The following NTHL1 variants were observed in gnomAD, a reference collection of about 807,000 sequenced individuals.
NTHL1 encodes endonuclease III-like protein 1.
In NTHL1, 32 loss-of-function variants were observed where a neutral mutation model predicts 32.3. That is an observed-to-expected ratio of 0.99 (90% CI 0.75 to 1.33). NTHL1 has a LOEUF of 1.33. NTHL1 is among the 40% of genes most tolerant of loss of function. The pLI is 0.00. For missense variants in NTHL1, 501 were observed against 414.1 expected, an observed-to-expected ratio of 1.21 and a Z score of -1.82; for synonymous variants, 188 against 176.9, an observed-to-expected ratio of 1.06 and a Z score of -0.50.
chr16:2,044,001 G>A lies in NTHL1; in HGVS notation c.526-275C>T. 1 of 506,920 alleles carries A rather than the reference G, an allele frequency of 2.0e-6. No homozygotes were observed. The highest frequency in any genetic ancestry group is 3.6e-6 in the Non-Finnish European group (1 of 277,164). The allele number at this position is 506,920 out of a possible 1,614,324, so 31.4% of individuals were successfully genotyped here. A position where few individuals can be genotyped will look rare whatever the true frequency, so the allele number is the denominator to read the frequency against. ...GCCCGTCATTCCCTGCCAGCACCCA[G>A]GCCAGGCCAAGCAGGCCAGCCGCTC... On this transcript the variant is annotated intron_variant, in intron 3 of 5. Coordinates refer to ENST00000651570, the MANE Select transcript of NTHL1 (RefSeq NM_002528.7). This position sits in a 1 kb window ranked among gnomAD's most constrained non-coding sequence, Gnocchi z 5.0.
intron 2 of NTHL1, among the ~76,000 whole-genome samples, chr16:2,045,444 T>A (rs975611452): frequency 6.7e-6 from 1 of 149,036 alleles, no homozygotes; most frequent in Non-Finnish European, 1.5e-5. Context: ...TTAAAACAAA[T>A]TTTTTTTTTT....
intron 2 of NTHL1, among the ~76,000 whole-genome samples, chr16:2,045,358 C>G (rs1162524138): frequency 6.6e-6 from 1 of 152,070 alleles, no homozygotes; most frequent in Non-Finnish European, 1.5e-5. Context: ...CCAACACGAT[C>G]GTATCTGGCC....
At position 2,040,226 on chromosome 16, in the gene NTHL1, T is replaced by C. The variant is rs1469572797; in HGVS notation, c.698A>G (p.His233Arg). The C allele has an allele frequency of 6.2e-7, 1 of 1,613,606 alleles. No individual in the cohort carries two copies. The highest frequency in any genetic ancestry group is 8.5e-7 in the Non-Finnish European group (1 of 1,179,976). ...CAGCCTGTTGGCGATTCTGTGCACA[T>C]GCGTGTCCACTGCTGCTGGGAGGCC... ...GTVSGIAVDTHVHRIANRLRW... is the reference protein window; with the variant it reads ...GTVSGIAVDTRVHRIANRLRW... The change falls in exon 5 of 6, where the codon CAT becomes CGT. Residue 233 changes from histidine (H) to arginine (R), a missense_variant. Transcript: ENST00000651570.
chr16:2,039,921 C>G lies in NTHL1; in HGVS notation c.*3G>C. The G allele has an allele frequency of 1.2e-6, 2 of 1,601,220 alleles. No homozygotes were observed. The highest frequency in any genetic ancestry group is 3.3e-5 in the Admixed American group (2 of 60,020). Reference sequence around the variant, plus strand: ...CGGCACCTCGGCCAGAGCCATGCGGCCATCAGAGACCCTGGGCGGCCGGGC... The same window carrying G: ...CGGCACCTCGGCCAGAGCCATGCGGGCATCAGAGACCCTGGGCGGCCGGGC... On this transcript the variant is annotated 3_prime_UTR_variant, in exon 6 of 6. Transcript: ENST00000651570.
chr16:2,040,537 G>A (rs995858458), intron 4 of NTHL1: 1 of 511,598 alleles, frequency 2.0e-6, no homozygotes, highest in Non-Finnish European at 3.6e-6. Context: ...TGGGTGGTGG[G>A]GTCTCTGCTT....
chr16:2,041,925 G>C, intron 4 of NTHL1: 1 of 401,804 alleles, frequency 2.5e-6, no homozygotes, highest in Non-Finnish European at 4.9e-6. Context: ...GCTAATTTTT[G>C]TATTTTTAGT....
Position 2,044,835 on chromosome 16 carries a change from G to A in NTHL1, c.355-35C>T, listed in dbSNP as rs374077464. ...CAGTGACAGGGACCGGGGTGGCGGC[G>A]GGTCCTGGGTGATTCCCTGGCCAGG... On this transcript the variant is annotated intron_variant, in intron 2 of 5. Coordinates refer to ENST00000651570, the MANE Select transcript of NTHL1 (RefSeq NM_002528.7). This position sits in a 1 kb window ranked among gnomAD's most constrained non-coding sequence, Gnocchi z 5.0. The A allele has an allele frequency of 7.1e-6, 11 of 1,546,290 alleles. No individual in the cohort carries two copies. Among genetic ancestry groups the A allele is most frequent in the African/African-American group, 5.4e-5 (4 of 73,548 alleles).
chr16:2,043,947 C>G lies in NTHL1; in HGVS notation c.526-221G>C. On this transcript the variant is annotated intron_variant, in intron 3 of 5. Coordinates refer to ENST00000651570, the MANE Select transcript of NTHL1 (RefSeq NM_002528.7). This position sits in a 1 kb window ranked among gnomAD's most constrained non-coding sequence, Gnocchi z 4.4. ...CTCCCACCCGTGTGGGCCAATGATG[C>G]ACGTGTAGGCTCTGGCTGGGGTTCC... 9 of 582,298 alleles carry G rather than the reference C, an allele frequency of 1.5e-5. No homozygotes were observed. The South Asian group carries it at 1.8e-4, about 12-fold the overall frequency. 36.1% of individuals were successfully genotyped at this position (582,298 alleles called of 1,614,324 possible). A position where few individuals can be genotyped will look rare whatever the true frequency, so the allele number is the denominator to read the frequency against.
chr16:2,046,372 A>G lies in NTHL1; in HGVS notation c.116-6T>C, dbSNP rs2084388582. 2 of 1,603,798 alleles carry G rather than the reference A, an allele frequency of 1.2e-6. No individual in the cohort carries two copies. The highest frequency in any genetic ancestry group is 1.3e-5 in the African/African-American group (1 of 74,886). On this transcript the variant is annotated splice_polypyrimidine_tract_variant and splice_region_variant and intron_variant, in intron 1 of 5. Coordinates refer to ENST00000651570, the MANE Select transcript of NTHL1 (RefSeq NM_002528.7). ...GCTGTGGCTTTTCCTCGCTTCTGCAAAAAGCACCACGCAGTCCCTCTGGTG... is the reference window on the plus strand; with the variant it reads ...GCTGTGGCTTTTCCTCGCTTCTGCAGAAAGCACCACGCAGTCCCTCTGGTG...
chr16:2,041,583 C>T (rs2084269087), intron 4 of NTHL1, among the ~76,000 whole-genome samples: 1 of 152,058 alleles, frequency 6.6e-6, no homozygotes. Context: ...GCTGGAATTA[C>T]AGGCTCCTGC....
chr16:2,046,158 C>G lies in NTHL1; in HGVS notation c.324G>C (p.Glu108Asp). 6.2e-7 allele frequency: 1 copy of G among 1,613,180 alleles called. No homozygotes were observed. Among genetic ancestry groups the G allele is most frequent in the Non-Finnish European group, 8.5e-7 (1 of 1,179,996 alleles). The change falls in exon 2 of 6, where the codon GAG (glutamate) becomes GAC (aspartate). Residue 108 changes from glutamate (E) to aspartate (D), a missense_variant. Glu to Asp is a conservative substitution (Grantham distance 45). Coordinates refer to ENST00000651570, the MANE Select transcript of NTHL1 (RefSeq NM_002528.7). Reference sequence around the variant, plus strand: ...GGGGGGCACTGGAGTCATAGCAGTGCTCAGTCCCCAGATGGTCCACAGGTG... The same window carrying G: ...GGGGGGCACTGGAGTCATAGCAGTGGTCAGTCCCCAGATGGTCCACAGGTG... ...KDAPVDHLGT[E>D]HCYDSSAPPK...
intron 4 of NTHL1, among the ~76,000 whole-genome samples, chr16:2,041,227 TCA>T (rs1436282263): frequency 6.6e-6 from 1 of 152,328 alleles, no homozygotes; most frequent in South Asian, 2.1e-4. Flanking sequence ...GCTCTGAGCC[TCA>T]GTTTCCTCCT....
chr16:2,045,102 C>T (rs922204289), intron 2 of NTHL1, among the ~76,000 whole-genome samples: 27 of 152,180 alleles, frequency 1.8e-4, no homozygotes, highest in Admixed American at 1.6e-3. Flanking sequence ...TTCGGGAGGC[C>T]AAGGCAGGCG....
At position 2,043,463 on chromosome 16, in the gene NTHL1, G is replaced by C; in HGVS notation, c.685+104C>G. ...AGCACCTTTCTGACTCTATGGGCTGGGTGGAGGACCAGCATGCTGGAAGTG... is the reference window on the plus strand; with the variant it reads ...AGCACCTTTCTGACTCTATGGGCTGCGTGGAGGACCAGCATGCTGGAAGTG... On this transcript the variant is annotated intron_variant, in intron 4 of 5. Coordinates refer to ENST00000651570, the MANE Select transcript of NTHL1 (RefSeq NM_002528.7). The surrounding 1 kb of genome is among the most constrained non-coding windows in gnomAD (Gnocchi z 4.4). 1 of 1,505,732 alleles carries C rather than the reference G, an allele frequency of 6.6e-7. No homozygotes were observed. Among genetic ancestry groups the C allele is most frequent in the Non-Finnish European group, 9.0e-7 (1 of 1,106,598 alleles). 93.3% of individuals were successfully genotyped at this position (1,505,732 alleles called of 1,614,324 possible). A position where few individuals can be genotyped will look rare whatever the true frequency, so the allele number is the denominator to read the frequency against.
chr16:2,047,348 T>A (rs1329128565), intron 1 of NTHL1: 3 of 323,688 alleles, frequency 9.3e-6, no homozygotes, highest in Admixed American at 5.0e-5. Context: ...GGCTTCTGGC[T>A]GCGTGTGTCC....
At chr16:2,042,743 G>C (rs1423538486) in intron 4 of NTHL1, among the ~76,000 whole-genome samples, 1 of 151,810 alleles carries the variant, frequency 6.6e-6, no homozygotes, top group East Asian at 1.9e-4. Flanking sequence ...CAGGACCTGG[G>C]AAAAGGATTC....
At chr16:2,041,567 C>T (rs908615345) in intron 4 of NTHL1, among the ~76,000 whole-genome samples, 7 of 152,074 alleles carry the variant, frequency 4.6e-5, no homozygotes, top group Non-Finnish European at 8.8e-5. Context: ...CTCAGCCTCC[C>T]GAGGAGCTGG....
In NTHL1 at chr16:2,043,904, G is replaced by A; in HGVS notation, c.526-178C>T. 1.5e-6 allele frequency: 1 copy of A among 685,678 alleles called. No individual in the cohort carries two copies. The highest frequency in any genetic ancestry group is 1.8e-5 in the South Asian group (1 of 57,132). 42.5% of individuals were successfully genotyped at this position (685,678 alleles called of 1,614,324 possible). A position where few individuals can be genotyped will look rare whatever the true frequency, so the allele number is the denominator to read the frequency against. ...AGCGGAGGGCAGCAGGGAGGCCCAA[G>A]GTAGGCCTGACCCCCTCCTCCCACC... On this transcript the variant is annotated intron_variant, in intron 3 of 5. Transcript: ENST00000651570. This position sits in a 1 kb window ranked among gnomAD's most constrained non-coding sequence, Gnocchi z 4.4.
intron 4 of NTHL1, chr16:2,040,521 G>A: frequency 1.9e-6 from 1 of 532,382 alleles, no homozygotes; most frequent in Non-Finnish European, 3.4e-6. Flanking sequence ...GTGCTAGTTG[G>A]ATGTGTGGGT....
Sources: gnomAD v4.1 joint callset for allele counts (sites outside exome capture counted in the v4.1 genomes callset) on GRCh38, gnomAD v4.1.1 for gene constraint, Gnocchi (gnomAD v3.1) non-coding constraint, MANE v1.5 for transcripts, NCBI Gene and HGNC (gene_info 2026-07-23, HGNC 2026-07-21) for gene names.